Variants in ELF1 observed in about 807,000 individuals in gnomAD.
The protein encoded by ELF1 is E74 like ETS transcription factor 1, also known as ETS-related transcription factor Elf-1.
Under a neutral mutation model 59.9 loss-of-function variants are expected in ELF1, and 24 were observed. The ratio of observed to expected loss-of-function variants is 0.40; its 90% CI spans 0.29 to 0.56. The LOEUF (loss-of-function observed/expected upper bound fraction) is 0.56, where lower values mean the gene tolerates loss of function less well. ELF1 is among the 20% of genes least tolerant of loss of function. ELF1 has a pLI of 0.44. For synonymous variants in ELF1, 248 were observed against 266.2 expected, an observed-to-expected ratio of 0.93 and a Z score of 0.67; for missense variants, 627 against 742.2, an observed-to-expected ratio of 0.84 and a Z score of 1.80.
intron 1 of ELF1, chr13:40,992,964 T>C: frequency 4.3e-6 from 4 of 920,730 alleles, no homozygotes; most frequent in Non-Finnish European, 7.1e-6. Context: ...TTTTTTGTTC[T>C]GTTCTTTCTT....
chr13:40,933,091 T>G lies in ELF1; in HGVS notation c.*334A>C, dbSNP rs1016794482. On this transcript the variant is annotated 3_prime_UTR_variant, in exon 9 of 9. Transcript: ENST00000239882. Reference sequence around the variant, plus strand: ...TTCCTGTTGCCTTCTATTTAAGTTCTGTATTTACAAAAGAATCAGAAAATC... The same window carrying G: ...TTCCTGTTGCCTTCTATTTAAGTTCGGTATTTACAAAAGAATCAGAAAATC... 1.7e-4 allele frequency: 35 copies of G among 201,194 alleles called. No individual in the cohort carries two copies. Among genetic ancestry groups the G allele is most frequent in the Admixed American group, 1.1e-4 (2 of 17,964 alleles). The allele number at this position is 201,194 out of a possible 1,614,324, so 12.5% of individuals were successfully genotyped here.
At position 41,048,218 on chromosome 13, in the gene ELF1, C is replaced by T. The variant is rs144923026; in HGVS notation, c.-229+12620G>A. ...GGAAAGGGAATTCCCTGACCCCTTG[C>T]GCTTCCAGGTGAGGCGATGCCTCGC... On this transcript the variant is annotated intron_variant, in intron 1 of 1. Coordinates refer to the ELF1 transcript ENST00000405737. Among the ~76,000 whole-genome samples the T allele has an allele frequency of 2.8e-3, 427 of 152,334 alleles. 8 individuals are homozygous for T. In the East Asian group the frequency reaches 0.049, roughly 17 times the overall value.
chr13:41,010,870 T>C (rs1244112869), intron 1 of ELF1, among the ~76,000 whole-genome samples: 2 of 152,122 alleles, frequency 1.3e-5, no homozygotes, highest in Non-Finnish European at 2.9e-5. Context: ...ACATACACTA[T>C]GGGAAGTATT....
rs141172839 is a variant in ELF1 at position 41,003,170 on chromosome 13, C to T, written c.-229+16058G>A. ...GCTTCACTGACTATTGTCAAAGTGA[C>T]GTACATATATGTATTTTTCTGATCC... is the stretch of plus-strand genomic sequence containing the variant. On this transcript the variant is annotated intron_variant, in intron 1 of 8. Transcript: ENST00000239882. Among the ~76,000 whole-genome samples the T allele has an allele frequency of 2.2e-4, 34 of 152,218 alleles. 1 individual carries two copies. Among genetic ancestry groups the T allele is most frequent in the East Asian group, 1.5e-3 (8 of 5,182 alleles).
intron 1 of ELF1, among the ~76,000 whole-genome samples, chr13:41,052,821 T>C (rs1877137105): frequency 6.6e-6 from 1 of 152,246 alleles, no homozygotes; most frequent in Non-Finnish European, 1.5e-5. Flanking sequence ...TGATCTACAT[T>C]ATATGGCAAT....
At chr13:41,010,196 A>G (rs1422620695) in intron 1 of ELF1, among the ~76,000 whole-genome samples, 1 of 150,992 alleles carries the variant, frequency 6.6e-6, no homozygotes, top group Non-Finnish European at 1.5e-5. Context: ...GATTGAGCCC[A>G]GGAGTTTAAG....
intron 1 of ELF1, among the ~76,000 whole-genome samples, chr13:41,056,835 G>A (rs1293886081): frequency 1.3e-5 from 2 of 152,194 alleles, no homozygotes; most frequent in Non-Finnish European, 2.9e-5. Context: ...GAAAAGATCT[G>A]AGAAGGTAAT....
At chr13:41,015,582 G>C (rs529310618) in intron 1 of ELF1, among the ~76,000 whole-genome samples, 107 of 152,244 alleles carry the variant, frequency 7.0e-4, no homozygotes, top group African/African-American at 2.5e-3. Flanking sequence ...TAATCATTTA[G>C]GGTACACAGT....
chr13:40,959,227 T>C (rs931177662), intron 2 of ELF1, among the ~76,000 whole-genome samples: 2 of 152,254 alleles, frequency 1.3e-5, no homozygotes, highest in Middle Eastern at 3.4e-3. Flanking sequence ...CTGGGCGCGG[T>C]GACTCACACC....
chr13:41,040,029 T>C (rs1876540738), intron 1 of ELF1, among the ~76,000 whole-genome samples: 2 of 152,170 alleles, frequency 1.3e-5, no homozygotes, highest in African/African-American at 2.4e-5. Context: ...TTAGAGAGGG[T>C]ACATGGAAAA....
chr13:40,940,760 G>A (rs1870103596), intron 8 of ELF1, among the ~76,000 whole-genome samples, 161 bp downstream of exon 8: 1 of 152,174 alleles, frequency 6.6e-6, no homozygotes, highest in African/African-American at 2.4e-5. Context: ...TCAGAGGACT[G>A]ACATAATAGT....
chr13:41,054,598 C>G (rs1257151238), intron 1 of ELF1, among the ~76,000 whole-genome samples: 2 of 152,198 alleles, frequency 1.3e-5, no homozygotes, highest in Non-Finnish European at 2.9e-5. Context: ...TATTTACTTT[C>G]TGAAGTCGTA....
intron 1 of ELF1, among the ~76,000 whole-genome samples, chr13:41,045,903 T>G (rs866066473): frequency 1.3e-5 from 2 of 152,204 alleles, no homozygotes; most frequent in East Asian, 3.8e-4. Context: ...CTCCCATTAT[T>G]ATTGTGTGGG....
At chr13:40,985,057 T>C (rs1177860957) in intron 1 of ELF1, among the ~76,000 whole-genome samples, 1 of 152,184 alleles carries the variant, frequency 6.6e-6, no homozygotes, top group Non-Finnish European at 1.5e-5. Context: ...AAAAAGACAC[T>C]TTTGCTCTGG....
chr13:40,968,363 T>C (rs905491031), intron 2 of ELF1, among the ~76,000 whole-genome samples: 16 of 152,166 alleles, frequency 1.1e-4, no homozygotes, highest in Middle Eastern at 3.2e-3. Context: ...AAAGTTGAAA[T>C]CCTTTCAACA....
At chr13:41,052,077 T>A (rs1301301168) in intron 1 of ELF1, among the ~76,000 whole-genome samples, 1 of 151,818 alleles carries the variant, frequency 6.6e-6, no homozygotes, top group Non-Finnish European at 1.5e-5. Context: ...GTAGCTGAGA[T>A]TACAGGTGTG....
rs559984237 is a variant in ELF1 at position 41,045,750 on chromosome 13, T to C, written c.-229+15088A>G. ...GCGATATGGTGCTGAGAAGAATGTA[T>C]ATTCTGTTGATTTGGGGTGGAGAGT... is the stretch of plus-strand genomic sequence containing the variant. On this transcript the variant is annotated intron_variant, in intron 1 of 1. Transcript: ENST00000405737. 4.2e-3 allele frequency among the ~76,000 whole-genome samples: 644 copies of C among 152,344 alleles called. 3 individuals are homozygous for C. The highest frequency in any genetic ancestry group is 0.01 in the Middle Eastern group (3 of 294).
Position 41,012,991 on chromosome 13 carries a change from A to T in ELF1, c.-229+6237T>A, listed in dbSNP as rs190256260. Among the ~76,000 whole-genome samples, 416 of 152,292 alleles carry T rather than the reference A, an allele frequency of 2.7e-3. 1 individual carries two copies. The highest frequency in any genetic ancestry group is 0.027 in the Middle Eastern group (8 of 294). The stretch of plus-strand genomic sequence containing the variant: ...TTTATTAAAATTTATTTTTTATTCA[A>T]AATTATGTTTGAAATAACTCTAGTT... On this transcript the variant is annotated intron_variant, in intron 1 of 8. Coordinates refer to ENST00000239882, the MANE Select transcript of ELF1 (RefSeq NM_172373.4).
At chr13:40,983,745 CTTAT>C (rs1873411119) in intron 1 of ELF1, among the ~76,000 whole-genome samples, 1 of 152,072 alleles carries the variant, frequency 6.6e-6, no homozygotes, top group African/African-American at 2.4e-5. Context: ...TGGCCTTGTA[CTTAT>C]TATTATTTAT....
Sources: gnomAD v4.1 joint callset for allele counts (sites outside exome capture counted in the v4.1 genomes callset) on GRCh38, gnomAD v4.1.1 for gene constraint, MANE v1.5 for transcripts, NCBI Gene and HGNC (gene_info 2026-07-23, HGNC 2026-07-21) for gene names.